The following DCLK3 variants were observed in gnomAD, a reference collection of about 807,000 sequenced individuals.
DCLK3 encodes the protein serine/threonine-protein kinase DCLK3.
In DCLK3, 30 loss-of-function variants were observed where a neutral mutation model predicts 46.4. The observed-to-expected ratio is 0.65, with a 90% CI of 0.48 to 0.88. The LOEUF (loss-of-function observed/expected upper bound fraction) is 0.88. DCLK3 is among the 40% of genes least tolerant of loss of function. DCLK3 has a pLI of 0.00. For synonymous variants in DCLK3, 401 were observed against 339.2 expected (o/e 1.18, Z -2.00); for missense variants, 846 against 907.1 (o/e 0.93, Z 0.87).
chr3:36,737,999 T>C lies in DCLK3; in HGVS notation c.1168A>G (p.Met390Val). ...TQELRRPSKS[M>V]DKKEDRGPED... ...GGGCCTCTGTCCTCTTTCTTGTCCA[T>C]GCTCTTGCTGGGTCTCCTCAGCTCT... is the stretch of plus-strand genomic sequence containing the variant. The change falls in exon 2 of 5, where the codon ATG becomes GTG. Residue 390 changes from methionine to valine, a missense_variant. Coordinates refer to ENST00000636136, the MANE Select transcript of DCLK3 (RefSeq NM_001394672.2). This position sits in a 1 kb window ranked among gnomAD's most constrained non-coding sequence, Gnocchi z 4.4. 1.9e-6 allele frequency: 3 copies of C among 1,614,208 alleles called. No individual in the cohort carries two copies. The highest frequency in any genetic ancestry group is 1.7e-6 in the Non-Finnish European group (2 of 1,180,028).
chr3:36,717,996 G>A lies in DCLK3; in HGVS notation c.2260+14C>T. 2.5e-6 allele frequency: 4 copies of A among 1,613,996 alleles called. No homozygotes were observed. Among genetic ancestry groups the A allele is most frequent in the Non-Finnish European group, 3.4e-6 (4 of 1,179,912 alleles). On this transcript the variant is annotated intron_variant, in intron 4 of 4. Transcript: ENST00000636136. ...ATCCGCTCCTCTGCTGTGTGAGGAA[G>A]CCCCAAATCTCACCATCAGAGATAT...
intron 1 of DCLK3, among the ~76,000 whole-genome samples, chr3:36,759,695 C>T (rs1368791528): frequency 1.3e-5 from 2 of 152,190 alleles, no homozygotes; most frequent in Non-Finnish European, 2.9e-5. Context: ...ATCATGGCAG[C>T]CTACTTTTGC....
At chr3:36,731,091 GC>G (rs1701193003) in intron 2 of DCLK3, among the ~76,000 whole-genome samples, 1 of 152,144 alleles carries the variant, frequency 6.6e-6, no homozygotes, top group Non-Finnish European at 1.5e-5. Flanking sequence ...GCAGCTCTGA[GC>G]AAAGAAGTCA....
intron 1 of DCLK3, among the ~76,000 whole-genome samples, chr3:36,743,360 G>C (rs1701366476): frequency 6.7e-6 from 1 of 150,160 alleles, no homozygotes; most frequent in Admixed American, 6.6e-5. Context: ...TTGGTCCCAA[G>C]CATTTTGGAT....
intron 2 of DCLK3, among the ~76,000 whole-genome samples, chr3:36,734,257 C>T (rs1385103537): frequency 2.6e-5 from 4 of 152,230 alleles, no homozygotes. Context: ...ATCTCTACCT[C>T]TGTCTGAAAA....
At chr3:36,760,467 G>A in intron 1 of DCLK3, among the ~76,000 whole-genome samples, 1 of 147,492 alleles carries the variant, frequency 6.8e-6, no homozygotes, top group East Asian at 2.0e-4. Flanking sequence ...CACACACCGG[G>A]ACCTGTTGTG....
chr3:36,737,335 G>A lies in DCLK3; in HGVS notation c.1832C>T (p.Ala611Val). ...EYVQGGDLFD[A>V]IIESVKFPEP... ...CGGGAACTTCACACTTTCTATGATG[G>A]CGTCAAAAAGGTCTCCTCCCTGCAC... Residue 611 changes from alanine to valine, a missense_variant, in exon 2 of 5, where the codon GCC becomes GTC. Coordinates refer to ENST00000636136, the MANE Select transcript of DCLK3 (RefSeq NM_001394672.2). The surrounding 1 kb of genome is among the most constrained non-coding windows in gnomAD (Gnocchi z 4.4). The A allele has an allele frequency of 6.2e-7, 1 of 1,614,148 alleles. No individual in the cohort carries two copies. Among genetic ancestry groups the A allele is most frequent in the Non-Finnish European group, 8.5e-7 (1 of 1,180,032 alleles).
chr3:36,751,182 TG>T (rs1358775417), intron 1 of DCLK3, among the ~76,000 whole-genome samples: 1 of 151,838 alleles, frequency 6.6e-6, no homozygotes, highest in Non-Finnish European at 1.5e-5. Flanking sequence ...GAATTCAGAC[TG>T]GGTTTGGTTT....
intron 1 of DCLK3, among the ~76,000 whole-genome samples, chr3:36,749,164 TGC>T (rs1160278103): frequency 6.6e-6 from 1 of 152,238 alleles, no homozygotes; most frequent in Non-Finnish European, 1.5e-5. Flanking sequence ...AATTGTCTGT[TGC>T]GGTGAGGAGA....
intron 1 of DCLK3, among the ~76,000 whole-genome samples, chr3:36,741,455 A>G (rs900597958): frequency 1.3e-5 from 2 of 152,210 alleles, no homozygotes; most frequent in African/African-American, 2.4e-5. Context: ...GGCAGGCCCA[A>G]AGGATCAACT....
At position 36,764,268 on chromosome 3, in the gene DCLK3, C is replaced by A; in HGVS notation, c.-5G>T. ...GGCTGGAGTGGCGGCGGGCATGGCG[C>A]GGCGGCGGGCTCGGGGAGAGCCTGG... is the stretch of plus-strand genomic sequence containing the variant. On this transcript the variant is annotated 5_prime_UTR_variant, in exon 1 of 5. Coordinates refer to ENST00000636136, the MANE Select transcript of DCLK3 (RefSeq NM_001394672.2). This position sits in a 1 kb window ranked among gnomAD's most constrained non-coding sequence, Gnocchi z 4.9. 1 of 247,036 alleles carries A rather than the reference C, an allele frequency of 4.0e-6. No homozygotes were observed. The highest frequency in any genetic ancestry group is 7.7e-6 in the Non-Finnish European group (1 of 130,516). The allele number at this position is 247,036 out of a possible 1,614,324, so 15.3% of individuals were successfully genotyped here. A position where few individuals can be genotyped will look rare whatever the true frequency, so the allele number is the denominator to read the frequency against.
chr3:36,721,019 A>T (rs2125521572), intron 3 of DCLK3, among the ~76,000 whole-genome samples: 1 of 152,228 alleles, frequency 6.6e-6, no homozygotes, highest in East Asian at 1.9e-4. Flanking sequence ...AATGTTTTAG[A>T]AAGTTTGTCA....
intron 1 of DCLK3, among the ~76,000 whole-genome samples, chr3:36,756,005 A>G (rs1450216565): frequency 6.6e-6 from 1 of 152,222 alleles, no homozygotes; most frequent in Admixed American, 6.5e-5. Context: ...TCCAGTGGCC[A>G]GAGCTGGTCA....
Position 36,730,689 on chromosome 3 carries a change from C to T in DCLK3, c.1959+6519G>A, listed in dbSNP as rs965067562. Reference sequence around the variant, plus strand: ...GAACTGCCCATGTGGCTAGAGACTACCACATTGGGCTATGCAGATACAGGA... The same window carrying T: ...GAACTGCCCATGTGGCTAGAGACTATCACATTGGGCTATGCAGATACAGGA... On this transcript the variant is annotated intron_variant, in intron 2 of 4. Transcript: ENST00000636136. Among the ~76,000 whole-genome samples, 72 of 151,976 alleles carry T rather than the reference C, an allele frequency of 4.7e-4. 1 individual carries two copies. The highest frequency in any genetic ancestry group is 1.6e-3 in the African/African-American group (67 of 41,366).
At position 36,737,748 on chromosome 3, in the gene DCLK3, A is replaced by G; in HGVS notation, c.1419T>C (p.Cys473=). ...EKEAEKEKKP[C]MSGGRRMTLR... Reference sequence around the variant, plus strand: ...GAGTCATCCTTCTGCCTCCAGACATACATGGCTTTTTCTCCTTCTCTGCCT... The same window carrying G: ...GAGTCATCCTTCTGCCTCCAGACATGCATGGCTTTTTCTCCTTCTCTGCCT... Residue 473 remains cysteine, a synonymous_variant, in exon 2 of 5, where the codon TGT becomes TGC. Coordinates refer to ENST00000636136, the MANE Select transcript of DCLK3 (RefSeq NM_001394672.2). The surrounding 1 kb of genome is among the most constrained non-coding windows in gnomAD (Gnocchi z 4.4). 1 of 1,614,100 alleles carries G rather than the reference A, an allele frequency of 6.2e-7. No homozygotes were observed. Among genetic ancestry groups the G allele is most frequent in the African/African-American group, 1.3e-5 (1 of 75,008 alleles).
At chr3:36,725,738 G>T (rs1294430290) in intron 2 of DCLK3, among the ~76,000 whole-genome samples, 1 of 152,216 alleles carries the variant, frequency 6.6e-6, no homozygotes, top group African/African-American at 2.4e-5. Context: ...AAAAGGCCCA[G>T]TTTGCCTTGG....
intron 1 of DCLK3, among the ~76,000 whole-genome samples, chr3:36,755,387 T>C (rs570155840): frequency 6.6e-6 from 1 of 152,238 alleles, no homozygotes; most frequent in Non-Finnish European, 1.5e-5. Flanking sequence ...AGTTCCAAAA[T>C]AGATACTACT....
chr3:36,754,787 T>C (rs1701471947), intron 1 of DCLK3, among the ~76,000 whole-genome samples: 1 of 152,212 alleles, frequency 6.6e-6, no homozygotes, highest in Non-Finnish European at 1.5e-5. Context: ...CCTGTCTCCA[T>C]GAACTTATTT....
rs1382053117 is a variant in DCLK3, at chr3:36,738,616, A to G, written c.551T>C (p.Val184Ala). 9 of 1,369,434 alleles carry G rather than the reference A, an allele frequency of 6.6e-6. No homozygotes were observed. In the East Asian group the frequency reaches 2.5e-4, roughly 38 times the overall value. The allele number at this position is 1,369,434 out of a possible 1,614,324, so 84.8% of individuals were successfully genotyped here. ...PLTLKSIQVA[V>A]EELYPNKARA... ...GGCTTTGTTGGGGTACAGTTCTTCT[A>G]CAGCCACCTGAATGCTCTTCAGTGT... Residue 184 changes from valine to alanine, a missense_variant, in exon 2 of 5, where the codon GTA becomes GCA. Physicochemically the swap from Val to Ala is moderately conservative, Grantham distance 64 (BLOSUM62 0). This residue lies in a region of DCLK3 where 553 missense variants were observed against 543.0 expected (regional missense o/e 1.02). Coordinates refer to ENST00000636136, the MANE Select transcript of DCLK3 (RefSeq NM_001394672.2).
Sources: gnomAD v4.1 joint callset for allele counts (sites outside exome capture counted in the v4.1 genomes callset) on GRCh38, gnomAD v4.1.1 for gene constraint, gnomAD v4.1.1 regional missense constraint, Gnocchi (gnomAD v3.1) non-coding constraint, MANE v1.5 for transcripts, NCBI Gene and HGNC (gene_info 2026-07-23, HGNC 2026-07-21) for gene names.